The following TEX11 variants were observed in gnomAD, a reference collection of about 807,000 sequenced individuals.
TEX11 encodes the protein testis expressed 11, also known as testis-expressed protein 11.
A neutral mutation model predicts 84.4 loss-of-function variants in TEX11; 7 were observed. The observed-to-expected ratio is 0.08, with a 90% CI of 0.05 to 0.16. The LOEUF (loss-of-function observed/expected upper bound fraction) is 0.16. TEX11 is among the 10% of genes least tolerant of loss of function. The probability of loss-of-function intolerance (pLI) is 1.00; values close to 1 mark genes in which losing one functional copy is unlikely to be tolerated. For missense variants in TEX11, 551 were observed against 660.5 expected (o/e 0.83, Z 1.82); for synonymous variants, 264 against 222.8 (o/e 1.18, Z -1.64).
chrX:70,678,981 C>T lies in TEX11; in HGVS notation c.1157-92G>A, dbSNP rs2090102462. 76 of 683,864 alleles carry T rather than the reference C, an allele frequency of 1.1e-4. 1 individual carries two copies. In the South Asian group the frequency reaches 1.8e-3, roughly 16 times the overall value. The allele number at this position is 683,864 out of a possible 1,213,427, so 56.4% of individuals were successfully genotyped here. ...CCCTCTCCCTCTCCCCACGGTCTCCCTCTCCCTCTCTCCACGGTCTCCCTC... is the reference window on the plus strand; with the variant it reads ...CCCTCTCCCTCTCCCCACGGTCTCCTTCTCCCTCTCTCCACGGTCTCCCTC... On this transcript the variant is annotated intron_variant, in intron 14 of 29. Transcript: ENST00000374333.
intron 2 of TEX11, among the ~76,000 whole-genome samples, chrX:70,880,545 CAG>C (rs1410065823): frequency 3.1e-5 from 3 of 97,904 alleles, no homozygotes; most frequent in Non-Finnish European, 6.5e-5. Flanking sequence ...GCATGGGCTA[CAG>C]AGTGAGACCC....
At chrX:70,748,129 A>G (rs2090781674) in intron 9 of TEX11, among the ~76,000 whole-genome samples, 1 of 111,483 alleles carries the variant, frequency 9.0e-6, no homozygotes. Context: ...ACATAATGGG[A>G]GTACCAGAAG....
Position 70,725,386 on chromosome X carries a change from A to C in TEX11, c.844-43T>G, listed in dbSNP as rs373431851. The C allele has an allele frequency of 4.6e-4, 448 of 976,423 alleles. 1 individual carries two copies. The Middle Eastern group carries it at 7.4e-3, about 16-fold the overall frequency. 80.5% of individuals were successfully genotyped at this position (976,423 alleles called of 1,213,427 possible). A position where few individuals can be genotyped will look rare whatever the true frequency, so the allele number is the denominator to read the frequency against. On this transcript the variant is annotated intron_variant, in intron 11 of 29. Transcript: ENST00000374333. ...ATCACAATGATATTAAAATTGTGGA[A>C]TGTAAAAGACAATTTTCAAGTAATT...
chrX:70,522,734 G>A, the TEX11 span, among the ~76,000 whole-genome samples: 3 of 108,933 alleles, frequency 2.8e-5, no homozygotes, highest in African/African-American at 6.7e-5. Flanking sequence ...GTAGAGACAG[G>A]GTTTCTCCAT....
At chrX:70,908,029 G>A (rs979648316) in intron 1 of TEX11, among the ~76,000 whole-genome samples, 1 of 111,335 alleles carries the variant, frequency 9.0e-6, no homozygotes, top group Non-Finnish European at 1.9e-5. Flanking sequence ...TGGCAACGGG[G>A]GAAATGGAGC....
At chrX:70,868,365 A>C (rs2091610458) in intron 4 of TEX11, among the ~76,000 whole-genome samples, 2 of 112,068 alleles carry the variant, frequency 1.8e-5, no homozygotes, top group African/African-American at 6.5e-5. Flanking sequence ...ATCATTAAAA[A>C]GTCAGAAACA....
intron 9 of TEX11, among the ~76,000 whole-genome samples, chrX:70,788,582 T>C (rs934581801): frequency 9.2e-6 from 1 of 108,879 alleles, no homozygotes; most frequent in African/African-American, 3.3e-5. Flanking sequence ...CCAAACTCTT[T>C]TAACAGGGTC....
chrX:70,728,144 G>C (rs1041620661), intron 11 of TEX11, among the ~76,000 whole-genome samples: 5 of 112,754 alleles, frequency 4.4e-5, no homozygotes, highest in African/African-American at 1.6e-4. Flanking sequence ...CCCTGAATCA[G>C]CACCATCTGG....
chrX:70,593,056 AACACACACACACACAC>A lies in TEX11; in HGVS notation c.2068-1249_2068-1234del, dbSNP rs56116828. ...GGCAATTTATGCACAAGAGCATTTT[AACACACACACACACAC>A]ACACACACACACACACACACACACG... is the stretch of plus-strand genomic sequence containing the variant. On this transcript the variant is annotated intron_variant, in intron 24 of 29. Coordinates refer to ENST00000374333, the MANE Select transcript of TEX11 (RefSeq NM_031276.3). Among the ~76,000 whole-genome samples the A allele has an allele frequency of 1.2e-3, 119 of 95,985 alleles. 1 individual carries two copies. The highest frequency in any genetic ancestry group is 4.2e-3 in the African/African-American group (111 of 26,565). The allele number at this position is 95,985 out of a possible 115,157, so 83.4% of individuals were successfully genotyped here.
At chrX:70,809,879 G>A (rs1456160653) in intron 8 of TEX11, among the ~76,000 whole-genome samples, 1 of 111,321 alleles carries the variant, frequency 9.0e-6, no homozygotes, top group Non-Finnish European at 1.9e-5. Flanking sequence ...CATAGGTACT[G>A]GTGATTTTGT....
intron 25 of TEX11, among the ~76,000 whole-genome samples, chrX:70,587,586 G>T (rs1196787646): frequency 1.8e-5 from 2 of 112,572 alleles, no homozygotes; most frequent in Non-Finnish European, 3.8e-5. Flanking sequence ...AAACAAATGG[G>T]TGTCCGTGGA....
chrX:70,519,631 C>T, the TEX11 span, among the ~76,000 whole-genome samples: 3 of 111,437 alleles, frequency 2.7e-5, no homozygotes, highest in Non-Finnish European at 5.6e-5. Flanking sequence ...GTGGTGTTCT[C>T]GGAATTTCCC....
intron 8 of TEX11, among the ~76,000 whole-genome samples, chrX:70,813,449 T>C (rs954432107): frequency 1.8e-5 from 2 of 111,674 alleles, no homozygotes; most frequent in African/African-American, 6.5e-5. Flanking sequence ...GGATGTATCT[T>C]GAAATAATAA....
chrX:70,669,073 A>G (rs1465433284), intron 16 of TEX11, among the ~76,000 whole-genome samples: 1 of 112,088 alleles, frequency 8.9e-6, no homozygotes, highest in African/African-American at 3.2e-5. Flanking sequence ...TGCTCTGCTT[A>G]TCTGCCCATT....
At chrX:70,679,399 CA>C (rs2090111483) in intron 14 of TEX11, among the ~76,000 whole-genome samples, 1 of 101,835 alleles carries the variant, frequency 9.8e-6, no homozygotes, top group African/African-American at 3.6e-5. Flanking sequence ...CCCGGCCGCC[CA>C]TCGTCTGGGA....
At chrX:70,639,061 G>A (rs896912276) in intron 17 of TEX11, among the ~76,000 whole-genome samples, 23 of 110,626 alleles carry the variant, frequency 2.1e-4, no homozygotes, top group African/African-American at 3.3e-4. Context: ...TGCGCCCACC[G>A]TGCGCTAGCC....
Position 70,553,312 on chromosome X carries a change from T to C in TEX11, c.2393A>G (p.Gln798Arg), listed in dbSNP as rs202136447. The C allele has an allele frequency of 1.3e-4, 149 of 1,182,419 alleles. No homozygotes were observed. Among genetic ancestry groups the C allele is most frequent in the Non-Finnish European group, 5.2e-5 (45 of 873,149 alleles). ...CTGGATTGTATTTACTAACCTGTAT[T>C]GTGATATATCAATTGGTTCTTCCTT... ...YKKEEPIDISQYSKCMHNLVN... is the reference protein window; with the variant it reads ...YKKEEPIDISRYSKCMHNLVN... Residue 798 changes from glutamine to arginine, a missense_variant, in exon 27 of 30, where the codon CAA becomes CGA. Physicochemically the swap from Gln to Arg is conservative, Grantham distance 43. Transcript: ENST00000374333.
the TEX11 span, among the ~76,000 whole-genome samples, chrX:70,522,650 C>T: frequency 1.8e-5 from 2 of 111,036 alleles, no homozygotes; most frequent in Admixed American, 1.9e-4. Context: ...TCTCCTGCCT[C>T]AGCCTCCTGA....
At chrX:70,752,473 C>T (rs181969881) in intron 9 of TEX11, among the ~76,000 whole-genome samples, 181 of 91,492 alleles carry the variant, frequency 2.0e-3, no homozygotes, top group Non-Finnish European at 3.2e-3. Context: ...TGCAGTGAGC[C>T]GAGATGGCAC....
Sources: gnomAD v4.1 joint callset for allele counts (sites outside exome capture counted in the v4.1 genomes callset) on GRCh38, gnomAD v4.1.1 for gene constraint, MANE v1.5 for transcripts, NCBI Gene and HGNC (gene_info 2026-07-23, HGNC 2026-07-21) for gene names.